The following TASP1 variants were observed in gnomAD, a reference collection of about 807,000 sequenced individuals.
TASP1 encodes taspase 1, also known as threonine aspartase 1.
Under a neutral mutation model 56.6 loss-of-function variants are expected in TASP1, and 16 were observed. The ratio of observed to expected loss-of-function variants is 0.28; its 90% confidence interval spans 0.19 to 0.43. TASP1 has a LOEUF of 0.43. TASP1 is among the 20% of genes least tolerant of loss of function. The pLI is 1.00. For missense variants in TASP1, 393 were observed against 511.6 expected (o/e 0.77, Z 2.24); for synonymous variants, 179 against 184.2 (o/e 0.97, Z 0.23).
At chr20:13,194,546 TG>T in the TASP1 span, among the ~76,000 whole-genome samples, 1 of 846 alleles carries the variant, frequency 1.2e-3, no homozygotes, top group African/African-American at 2.2e-3. Flanking sequence ...CCAAGAAATG[TG>T]TGTGTGTGTG....
the TASP1 span, among the ~76,000 whole-genome samples, chr20:13,119,043 A>G: frequency 1.3e-5 from 2 of 152,340 alleles, no homozygotes; most frequent in Admixed American, 1.3e-4. Flanking sequence ...GGATCTTACA[A>G]AATTCAGCTA....
At chr20:13,473,189 G>A (rs1177684039) in intron 11 of TASP1, among the ~76,000 whole-genome samples, 1 of 152,146 alleles carries the variant, frequency 6.6e-6, no homozygotes, top group African/African-American at 2.4e-5. Flanking sequence ...CCTTTGTAGT[G>A]ACATGGATGA....
At chr20:13,491,085 C>A (rs976300576) in intron 10 of TASP1, among the ~76,000 whole-genome samples, 19 of 152,254 alleles carry the variant, frequency 1.2e-4, no homozygotes, top group African/African-American at 4.1e-4. Flanking sequence ...AAAGTTTATC[C>A]TTTGCCTTGT....
At chr20:13,280,391 ACCCCCCC>A in the TASP1 span, among the ~76,000 whole-genome samples, 1 of 132,004 alleles carries the variant, frequency 7.6e-6, no homozygotes. Flanking sequence ...CTTCAAAGTA[ACCCCCCC>A]CCCCCAATAC....
At chr20:13,379,011 G>T in the TASP1 span, among the ~76,000 whole-genome samples, 1 of 152,084 alleles carries the variant, frequency 6.6e-6, no homozygotes, top group African/African-American at 2.4e-5. Flanking sequence ...ACACTGATAG[G>T]TCTTGACTCT....
intron 13 of TASP1, among the ~76,000 whole-genome samples, chr20:13,414,953 T>A (rs2042206105): frequency 6.6e-6 from 1 of 152,170 alleles, no homozygotes; most frequent in African/African-American, 2.4e-5. Context: ...TTCAAGGCTT[T>A]AACTTGGGAT....
At chr20:13,213,928 T>C in the TASP1 span, among the ~76,000 whole-genome samples, 6 of 152,128 alleles carry the variant, frequency 3.9e-5, no homozygotes, top group African/African-American at 9.7e-5. Context: ...TTTCAAAGAA[T>C]GTTAATGGCA....
At chr20:13,407,468 A>G (rs982361478) in intron 13 of TASP1, among the ~76,000 whole-genome samples, 7 of 152,192 alleles carry the variant, frequency 4.6e-5, no homozygotes, top group Non-Finnish European at 8.8e-5. Flanking sequence ...TTGCTGATCC[A>G]TTCATCAGTT....
the TASP1 span, among the ~76,000 whole-genome samples, chr20:13,153,177 C>G: frequency 6.6e-6 from 1 of 152,200 alleles, no homozygotes; most frequent in Non-Finnish European, 1.5e-5. Flanking sequence ...GGCTTACTTA[C>G]CCACCTGTTT....
At chr20:13,113,192 A>G in the TASP1 span, among the ~76,000 whole-genome samples, 2 of 152,106 alleles carry the variant, frequency 1.3e-5, no homozygotes, top group African/African-American at 2.4e-5. Context: ...CAACAACAAC[A>G]ACAACAAAAA....
chr20:13,417,317 G>C, intron 13 of TASP1, 131 bp downstream of exon 13: 1 of 772,060 alleles, frequency 1.3e-6, no homozygotes, highest in Non-Finnish European at 2.1e-6. Flanking sequence ...GTTCTTATTC[G>C]GATGCTTATG....
At chr20:13,561,721 G>A (rs1209879313) in intron 7 of TASP1, among the ~76,000 whole-genome samples, 1 of 152,154 alleles carries the variant, frequency 6.6e-6, no homozygotes, top group Non-Finnish European at 1.5e-5. Context: ...AGTCTGTTTT[G>A]AGACAGACAA....
At chr20:13,585,436 T>C (rs561694119) in intron 5 of TASP1, among the ~76,000 whole-genome samples, 3 of 152,286 alleles carry the variant, frequency 2.0e-5, no homozygotes, top group South Asian at 2.1e-4. Context: ...AAGATATCCA[T>C]AATACATGTA....
At chr20:13,569,326 C>T (rs1418759990) in intron 7 of TASP1, among the ~76,000 whole-genome samples, 181 bp downstream of exon 7, 2 of 152,002 alleles carry the variant, frequency 1.3e-5, no homozygotes, top group African/African-American at 4.8e-5. Context: ...AGTGAGAAGA[C>T]CTCAGGAATA....
intron 7 of TASP1, among the ~76,000 whole-genome samples, chr20:13,561,809 T>C (rs2046352847): frequency 6.6e-6 from 1 of 152,128 alleles, no homozygotes; most frequent in African/African-American, 2.4e-5. Flanking sequence ...TTATTGAAGT[T>C]AAGCTGGTCT....
At chr20:13,150,193 C>T in the TASP1 span, among the ~76,000 whole-genome samples, 1 of 152,314 alleles carries the variant, frequency 6.6e-6, no homozygotes, top group African/African-American at 2.4e-5. Context: ...ACTCTCTAAA[C>T]ACAGTTTCAA....
Position 13,479,960 on chromosome 20 carries a change from C to T in TASP1, c.985+3267G>A, listed in dbSNP as rs1345479567. ...TTGTCCTAAAACAGACAACTAATTA[C>T]ACCACCAGTGTGTTAAAAGAGAAAA... On this transcript the variant is annotated intron_variant, in intron 11 of 13. Coordinates refer to ENST00000337743, the MANE Select transcript of TASP1 (RefSeq NM_017714.3). 1.4e-4 allele frequency among the ~76,000 whole-genome samples: 21 copies of T among 152,310 alleles called. 1 individual carries two copies. Among genetic ancestry groups the T allele is most frequent in the Non-Finnish European group, 1.5e-4 (10 of 68,022 alleles).
At chr20:13,524,473 C>T (rs1428363030) in intron 10 of TASP1, among the ~76,000 whole-genome samples, 1 of 152,110 alleles carries the variant, frequency 6.6e-6, no homozygotes, top group East Asian at 1.9e-4. Flanking sequence ...GGAGGACCCA[C>T]ACATACATTT....
downstream of TASP1, among the ~76,000 whole-genome samples, chr20:13,388,067 A>G (rs868260777): frequency 1.6e-4 from 24 of 152,374 alleles, no homozygotes; most frequent in Middle Eastern, 0.01. Context: ...CAAGAGAACC[A>G]GATATCCAAC....
Sources: gnomAD v4.1 joint callset for allele counts (sites outside exome capture counted in the v4.1 genomes callset) on GRCh38, gnomAD v4.1.1 for gene constraint, MANE v1.5 for transcripts, NCBI Gene and HGNC (gene_info 2026-07-23, HGNC 2026-07-21) for gene names.